Variants in MTSS1 observed in about 807,000 individuals in gnomAD.
The protein encoded by MTSS1 is MTSS I-BAR domain containing 1.
A neutral mutation model predicts 79.0 loss-of-function variants in MTSS1; 18 were observed. The ratio of observed to expected loss-of-function variants is 0.23; its 90% confidence interval spans 0.16 to 0.34. MTSS1 has a LOEUF of 0.34. MTSS1 is among the 10% of genes least tolerant of loss of function. The pLI is 1.00. For missense variants in MTSS1, 815 were observed against 986.2 expected, an observed-to-expected ratio of 0.83 and a Z score of 2.33; for synonymous variants, 341 against 368.6, an observed-to-expected ratio of 0.93 and a Z score of 0.86.
At chr8:124,589,833 C>T in intron 4 of MTSS1, 122 bp from the exon 5 acceptor site, 1 of 701,684 alleles carries the variant, frequency 1.4e-6, no homozygotes. Flanking sequence ...CATCTAAACC[C>T]CGGGGCTCCA....
chr8:124,688,714 CA>C (rs1827437196), intron 3 of MTSS1, among the ~76,000 whole-genome samples: 1 of 152,028 alleles, frequency 6.6e-6, no homozygotes, highest in African/African-American at 2.4e-5. Flanking sequence ...ATTTTTTTCA[CA>C]ACCTATGCTG....
At chr8:124,629,069 T>C (rs538953255) in intron 3 of MTSS1, among the ~76,000 whole-genome samples, 3 of 152,378 alleles carry the variant, frequency 2.0e-5, no homozygotes, top group Non-Finnish European at 4.4e-5. Flanking sequence ...GGCCTAGGCC[T>C]AAGCTCTGTG....
At chr8:124,703,643 G>A (rs150416240) in intron 2 of MTSS1, among the ~76,000 whole-genome samples, 40 of 152,264 alleles carry the variant, frequency 2.6e-4, no homozygotes, top group African/African-American at 9.4e-4. Context: ...GAATGGAGGA[G>A]AACATGGACT....
chr8:124,588,623 G>A (rs1831284117), intron 5 of MTSS1, among the ~76,000 whole-genome samples: 1 of 152,212 alleles, frequency 6.6e-6, no homozygotes, highest in Non-Finnish European at 1.5e-5. Flanking sequence ...CCTAGGGTAA[G>A]CTTATATCAT....
At chr8:124,567,591 G>A in intron 7 of MTSS1, 5 of 1,386,030 alleles carry the variant, frequency 3.6e-6, no homozygotes, top group Non-Finnish European at 4.7e-6. Context: ...CTTTGTGACA[G>A]TGCCTGTGTG....
At chr8:124,561,537 G>C (rs545220538) in intron 10 of MTSS1, among the ~76,000 whole-genome samples, 127 of 152,254 alleles carry the variant, frequency 8.3e-4, no homozygotes, top group African/African-American at 2.8e-3. Flanking sequence ...TCCATGCCAT[G>C]GGAAACACTC....
intron 3 of MTSS1, among the ~76,000 whole-genome samples, chr8:124,666,924 G>A (rs73343990): frequency 6.6e-6 from 1 of 152,114 alleles, no homozygotes; most frequent in Non-Finnish European, 1.5e-5. Context: ...AGGAGTTTAG[G>A]GGGAGAGTTG....
At chr8:124,639,939 T>C (rs1457211128) in intron 3 of MTSS1, among the ~76,000 whole-genome samples, 1 of 152,054 alleles carries the variant, frequency 6.6e-6, no homozygotes, top group East Asian at 1.9e-4. Context: ...TGGCTGACAT[T>C]ATAAGTAGGC....
intron 3 of MTSS1, among the ~76,000 whole-genome samples, chr8:124,642,870 G>A (rs1818307961): frequency 6.6e-6 from 1 of 152,230 alleles, no homozygotes; most frequent in African/African-American, 2.4e-5. Context: ...TGGGATTACA[G>A]GCATGAGCCA....
intron 1 of MTSS1, among the ~76,000 whole-genome samples, chr8:124,714,777 T>G (rs1831681314): frequency 6.6e-6 from 1 of 152,168 alleles, no homozygotes; most frequent in Non-Finnish European, 1.5e-5. Flanking sequence ...TGCCCAGTTC[T>G]TTTTAAAATA....
At chr8:124,668,422 T>A (rs1052636757) in intron 3 of MTSS1, among the ~76,000 whole-genome samples, 2 of 152,138 alleles carry the variant, frequency 1.3e-5, no homozygotes, top group Non-Finnish European at 2.9e-5. Flanking sequence ...CAGGAATTCA[T>A]CCTGTCCTAG....
intron 9 of MTSS1, among the ~76,000 whole-genome samples, chr8:124,564,972 C>G (rs951459922): frequency 4.6e-5 from 7 of 152,198 alleles, no homozygotes; most frequent in Admixed American, 2.0e-4. Context: ...AGTAACAGGA[C>G]TACTATACCA....
intron 3 of MTSS1, among the ~76,000 whole-genome samples, chr8:124,632,097 C>A (rs1266244669): frequency 2.0e-5 from 3 of 146,954 alleles, no homozygotes; most frequent in Admixed American, 2.0e-4. Context: ...GGCAACATAG[C>A]GAGACTCCAT....
Position 124,582,456 on chromosome 8 carries a change from T to C in MTSS1, c.460+2631A>G, listed in dbSNP as rs1456731275. On this transcript the variant is annotated intron_variant, in intron 6 of 13. Transcript: ENST00000518547. The surrounding 1 kb of genome is among the most constrained non-coding windows in gnomAD (Gnocchi z 4.8). The stretch of plus-strand genomic sequence containing the variant: ...GGATGGTGGTAAAACCATGCTTACA[T>C]GCACAAAGGCACTTGAAATGCTAAA... Among the ~76,000 whole-genome samples the C allele has an allele frequency of 6.6e-6, 1 of 152,184 alleles. No homozygotes were observed. Among genetic ancestry groups the C allele is most frequent in the Non-Finnish European group, 1.5e-5 (1 of 68,038 alleles).
Position 124,687,213 on chromosome 8 carries a change from G to A in MTSS1, c.208+12313C>T, listed in dbSNP as rs528118359. 1.3e-4 allele frequency among the ~76,000 whole-genome samples: 20 copies of A among 152,262 alleles called. No individual in the cohort carries two copies. In the East Asian group the frequency reaches 3.7e-3, roughly 28 times the overall value. On this transcript the variant is annotated intron_variant, in intron 3 of 13. Transcript: ENST00000518547. ...TACTATCCTTCAATCTCATTAAGCA[G>A]GAGTCCATATGCCTGCATGGAAACC...
intron 3 of MTSS1, among the ~76,000 whole-genome samples, chr8:124,661,523 C>A (rs569804512): frequency 6.6e-6 from 1 of 152,300 alleles, no homozygotes; most frequent in East Asian, 1.9e-4. Context: ...TGGGAAGATA[C>A]GTGTGACCAT....
intron 3 of MTSS1, among the ~76,000 whole-genome samples, chr8:124,637,604 C>T (rs1336157026): frequency 6.6e-6 from 1 of 151,808 alleles, no homozygotes; most frequent in Non-Finnish European, 1.5e-5. Context: ...TGGCCTTGGC[C>T]CAGCTGCTGT....
At chr8:124,669,479 C>T (rs1471287417) in intron 3 of MTSS1, among the ~76,000 whole-genome samples, 2 of 152,160 alleles carry the variant, frequency 1.3e-5, no homozygotes, top group Admixed American at 6.5e-5. Context: ...AAAACAGTTC[C>T]TTTAGATGAA....
intron 3 of MTSS1, among the ~76,000 whole-genome samples, chr8:124,614,017 A>G (rs1390500448): frequency 6.6e-6 from 1 of 152,060 alleles, no homozygotes; most frequent in East Asian, 1.9e-4. Context: ...TTTAAGAACT[A>G]GCCAGGCTTG....
Sources: gnomAD v4.1 joint callset for allele counts (sites outside exome capture counted in the v4.1 genomes callset) on GRCh38, gnomAD v4.1.1 for gene constraint, Gnocchi (gnomAD v3.1) non-coding constraint, MANE v1.5 for transcripts, NCBI Gene and HGNC (gene_info 2026-07-23, HGNC 2026-07-21) for gene names.